FAM13A: variants seen among roughly 807,000 people sequenced by gnomAD.
The protein encoded by FAM13A is family with sequence similarity 13 member A, also known as protein FAM13A.
Under a neutral mutation model 129.6 loss-of-function variants are expected in FAM13A, and 76 were observed. The ratio of observed to expected loss-of-function variants is 0.59; its 90% CI spans 0.49 to 0.71. The LOEUF is 0.71. FAM13A is among the 30% of genes least tolerant of loss of function. The pLI is 0.00. For missense variants in FAM13A, 1,108 were observed against 1,249.3 expected (o/e 0.89, Z 1.70); for synonymous variants, 443 against 449.9 (o/e 0.98, Z 0.20).
intron 6 of FAM13A, among the ~76,000 whole-genome samples, chr4:88,884,576 C>G (rs916218081): frequency 6.6e-6 from 1 of 152,074 alleles, no homozygotes; most frequent in South Asian, 2.1e-4. Flanking sequence ...AGCATTCTCC[C>G]TAAGAACTGA....
chr4:88,963,785 T>C (rs1323102718), intron 4 of FAM13A, among the ~76,000 whole-genome samples: 1 of 152,190 alleles, frequency 6.6e-6, no homozygotes, highest in Non-Finnish European at 1.5e-5. Flanking sequence ...ATAAATAATA[T>C]GGTAAGATAC....
Position 88,878,283 on chromosome 4 carries a change from A to G in FAM13A, c.844-27100T>C, listed in dbSNP as rs1322861128. Among the ~76,000 whole-genome samples the G allele has an allele frequency of 4.2e-3, 384 of 91,050 alleles. 1 individual carries two copies. The highest frequency in any genetic ancestry group is 0.013 in the Middle Eastern group (2 of 152). 59.7% of individuals were successfully genotyped at this position (91,050 alleles called of 152,430 possible). Reference sequence around the variant, plus strand: ...AGCCTGGGCGACAGAGTGAGACTCCATCTCAAAAAAAAAAAAAAAAAAAAA... The same window carrying G: ...AGCCTGGGCGACAGAGTGAGACTCCGTCTCAAAAAAAAAAAAAAAAAAAAA... On this transcript the variant is annotated intron_variant, in intron 6 of 23. Coordinates refer to ENST00000264344, the MANE Select transcript of FAM13A (RefSeq NM_014883.4).
intron 7 of FAM13A, among the ~76,000 whole-genome samples, chr4:88,811,302 G>T (rs908815774): frequency 6.6e-6 from 1 of 152,178 alleles, no homozygotes; most frequent in East Asian, 1.9e-4. Flanking sequence ...ACCACAGGAC[G>T]GTGTCAAGAA....
intron 8 of FAM13A, among the ~76,000 whole-genome samples, chr4:88,801,883 G>A (rs942747504): frequency 3.9e-5 from 6 of 151,914 alleles, no homozygotes; most frequent in South Asian, 4.2e-4. Context: ...TGCAGAACCC[G>A]AGTCTTAGTG....
intron 13 of FAM13A, among the ~76,000 whole-genome samples, chr4:88,763,908 A>T (rs1745262704): frequency 1.3e-5 from 2 of 152,244 alleles, no homozygotes; most frequent in Admixed American, 1.3e-4. Context: ...TATTGGATTG[A>T]TTTGGAAGCG....
intron 6 of FAM13A, among the ~76,000 whole-genome samples, chr4:88,880,793 G>GA (rs1743420106): frequency 7.5e-6 from 1 of 132,800 alleles, no homozygotes. Context: ...CGGGGGGGGG[G>GA]GGGGCACAGT....
intron 8 of FAM13A, among the ~76,000 whole-genome samples, chr4:88,800,825 A>G (rs562795566): frequency 6.6e-6 from 1 of 152,322 alleles, no homozygotes; most frequent in South Asian, 2.1e-4. Context: ...CTTGCTAAAA[A>G]AGTGGATACT....
chr4:88,782,017 A>G (rs1345622705), intron 10 of FAM13A, among the ~76,000 whole-genome samples: 1 of 151,794 alleles, frequency 6.6e-6, no homozygotes, highest in Admixed American at 6.6e-5. Flanking sequence ...AAATTAAAAA[A>G]TTAAAAAAAA....
At chr4:88,862,865 T>TATA (rs1739721660) in intron 6 of FAM13A, among the ~76,000 whole-genome samples, 3 of 152,004 alleles carry the variant, frequency 2.0e-5, no homozygotes, top group Non-Finnish European at 2.9e-5. Context: ...CCAGTCTTTA[T>TATA]CATTCTACGT....
chr4:88,847,593 T>C (rs11947777), intron 7 of FAM13A, among the ~76,000 whole-genome samples: 12,598 of 152,142 alleles, frequency 0.083, 873 homozygotes, highest in African/African-American at 0.19. Context: ...CTTGTTAACT[T>C]GGAAGCAGGA....
intron 6 of FAM13A, among the ~76,000 whole-genome samples, chr4:88,881,327 A>G (rs1413506972): frequency 6.6e-6 from 1 of 152,232 alleles, no homozygotes; most frequent in East Asian, 1.9e-4. Context: ...TCCCAGTACT[A>G]GCCTGGAGCT....
chr4:89,039,658 A>T (rs1769840546), intron 1 of FAM13A, among the ~76,000 whole-genome samples: 1 of 152,148 alleles, frequency 6.6e-6, no homozygotes, highest in Non-Finnish European at 1.5e-5. Context: ...GCACTTTGGG[A>T]GGCCGAGGCA....
chr4:88,986,151 T>G (rs1271660516), intron 4 of FAM13A, among the ~76,000 whole-genome samples: 3 of 151,646 alleles, frequency 2.0e-5, no homozygotes. Flanking sequence ...TTTTTTTTTT[T>G]GAGATTGAGT....
At chr4:88,817,280 T>C (rs1730941269) in intron 7 of FAM13A, among the ~76,000 whole-genome samples, 1 of 152,152 alleles carries the variant, frequency 6.6e-6, no homozygotes, top group African/African-American at 2.4e-5. Context: ...ATTATTTCTA[T>C]AGCCAAGCAT....
At chr4:88,741,080 G>A (rs1054276503) in intron 19 of FAM13A, among the ~76,000 whole-genome samples, 1 of 152,180 alleles carries the variant, frequency 6.6e-6, no homozygotes, top group East Asian at 1.9e-4. Flanking sequence ...TGGTAAGAGT[G>A]AAACACTTTG....
In FAM13A at chr4:88,764,942, G is replaced by A. The variant is rs17014517; in HGVS notation, c.1578+2611C>T. On this transcript the variant is annotated intron_variant, in intron 13 of 23. Transcript: ENST00000264344. ...CCATCTGAGATCTCAGGAGAATCTC[G>A]TTTTGGACAATATTAGTTGCATAAT... is the stretch of plus-strand genomic sequence containing the variant. Among the ~76,000 whole-genome samples, 4 of 152,080 alleles carry A rather than the reference G, an allele frequency of 2.6e-5. No individual in the cohort carries two copies. The East Asian group carries it at 5.8e-4, about 22-fold the overall frequency.
At chr4:88,992,491 T>A (rs1296116924) in intron 3 of FAM13A, among the ~76,000 whole-genome samples, 4 of 152,048 alleles carry the variant, frequency 2.6e-5, no homozygotes, top group Admixed American at 2.6e-4. Flanking sequence ...GGCTGGGGCC[T>A]CCCAAAGTGT....
intron 4 of FAM13A, among the ~76,000 whole-genome samples, chr4:88,948,677 C>T (rs569643831): frequency 8.6e-5 from 13 of 152,024 alleles, no homozygotes; most frequent in African/African-American, 1.4e-4. Flanking sequence ...TTAGTAGAGG[C>T]GGGGTTTCAC....
intron 10 of FAM13A, among the ~76,000 whole-genome samples, chr4:88,785,622 GA>G (rs1277409372): frequency 6.6e-6 from 1 of 152,076 alleles, no homozygotes; most frequent in Non-Finnish European, 1.5e-5. Flanking sequence ...CTGGATCAAA[GA>G]AGGTGAGTGA....
Sources: allele counts gnomAD v4.1 joint callset (sites outside exome capture counted in the v4.1 genomes callset), GRCh38; gene constraint gnomAD v4.1.1; transcripts MANE v1.5; gene names NCBI Gene and HGNC (gene_info 2026-07-23, HGNC 2026-07-21).